Variants in CACNA1G observed in about 807,000 individuals in gnomAD.
The protein encoded by CACNA1G is calcium voltage-gated channel subunit alpha1 G.
In CACNA1G, 67 loss-of-function variants were observed where a neutral mutation model predicts 219.4. The ratio of observed to expected loss-of-function variants is 0.31; its 90% CI spans 0.25 to 0.37. CACNA1G has a LOEUF of 0.37. Ranked by LOEUF, CACNA1G falls within the 10% of genes least tolerant of loss-of-function variation. The pLI is 1.00. For synonymous variants in CACNA1G, 1,296 were observed against 1,345.3 expected (o/e 0.96, Z 0.80); for missense variants, 2,380 against 3,231.4 (o/e 0.74, Z 6.39).
rs116959326 is a variant in CACNA1G, at chr17:50,582,845, T to C, written c.2301+4281T>C. On this transcript the variant is annotated intron_variant, in intron 9 of 37. Coordinates refer to ENST00000359106, the MANE Select transcript of CACNA1G (RefSeq NM_018896.5). Reference sequence around the variant, plus strand: ...GAGGAAGGGGAGGGACCAGGGTAGATGGCCTTGCAGGCTGAGAGAGGACAG... The same window carrying C: ...GAGGAAGGGGAGGGACCAGGGTAGACGGCCTTGCAGGCTGAGAGAGGACAG... Among the ~76,000 whole-genome samples the C allele has an allele frequency of 2.1e-4, 32 of 152,136 alleles. No homozygotes were observed. The East Asian group carries it at 5.4e-3, about 26-fold the overall frequency.
intron 9 of CACNA1G, among the ~76,000 whole-genome samples, chr17:50,588,164 T>C (rs1053145586): frequency 6.6e-6 from 1 of 152,226 alleles, no homozygotes; most frequent in Non-Finnish European, 1.5e-5. Flanking sequence ...CGAGTTGGTC[T>C]TTATTCCTAG....
rs1026920858 is a variant in CACNA1G, at chr17:50,603,344, C to T, written c.4169+145C>T. 10 of 685,576 alleles carry T rather than the reference C, an allele frequency of 1.5e-5. No homozygotes were observed. Among genetic ancestry groups the T allele is most frequent in the Non-Finnish European group, 7.3e-6 (3 of 410,040 alleles). The allele number at this position is 685,576 out of a possible 1,614,324, so 42.5% of individuals were successfully genotyped here. ...TGACCCCCACAGGCGATCCTGTCCC[C>T]GCCCCAGACAACACTCAGATTACGG... On this transcript the variant is annotated intron_variant, in intron 21 of 37. Coordinates refer to ENST00000359106, the MANE Select transcript of CACNA1G (RefSeq NM_018896.5). This position sits in a 1 kb window ranked among gnomAD's most constrained non-coding sequence, Gnocchi z 6.4.
intron 33 of CACNA1G, 56 bp downstream of exon 33, chr17:50,619,064 A>T: frequency 7.3e-7 from 1 of 1,378,536 alleles, no homozygotes; most frequent in Non-Finnish European, 9.6e-7. Context: ...AAGGGTGTGG[A>T]GGGTGGTGGG....
At chr17:50,592,185 T>A in intron 13 of CACNA1G, 93 bp downstream of exon 13, 1 of 1,381,094 alleles carries the variant, frequency 7.2e-7, no homozygotes, top group Non-Finnish European at 9.8e-7. Flanking sequence ...GTTGCCAACT[T>A]TGGGGGCCTG....
chr17:50,615,649 C>T (rs907309552), intron 27 of CACNA1G, 137 bp downstream of exon 27: 1 of 865,740 alleles, frequency 1.2e-6, no homozygotes, highest in Admixed American at 2.9e-5. Flanking sequence ...CTCTTGTGCC[C>T]CTTGGAGGTG....
At chr17:50,622,474 A>C (rs1285802767) in intron 35 of CACNA1G, among the ~76,000 whole-genome samples, 1 of 151,920 alleles carries the variant, frequency 6.6e-6, no homozygotes, top group Non-Finnish European at 1.5e-5. Flanking sequence ...CAGCTGAGGC[A>C]GGGACTGGAC....
chr17:50,616,248 C>A (rs746067230), intron 27 of CACNA1G, 27 bp from the exon 28 acceptor site: 1 of 1,439,478 alleles, frequency 6.9e-7, no homozygotes, highest in Non-Finnish European at 9.8e-7. Context: ...CTTAAGGGAC[C>A]CTGCATCTTG....
At position 50,626,211 on chromosome 17, in the gene CACNA1G, A is replaced by C; in HGVS notation, c.6594A>C (p.Pro2198=). 1 of 1,613,664 alleles carries C rather than the reference A, an allele frequency of 6.2e-7. No individual in the cohort carries two copies. The highest frequency in any genetic ancestry group is 8.5e-7 in the Non-Finnish European group (1 of 1,179,812). Residue 2198 remains proline, a synonymous_variant, in exon 38 of 38, where the codon CCA becomes CCC. Coordinates refer to ENST00000359106, the MANE Select transcript of CACNA1G (RefSeq NM_018896.5). This position sits in a 1 kb window ranked among gnomAD's most constrained non-coding sequence, Gnocchi z 4.3. ...SKHMTPPAPC[P]GPEPNWGKGP... ...ACATGACCCCGCCAGCCCCTTGCCC[A>C]GGCCCAGAACCCAACTGGGGCAAGG...
chr17:50,564,125 A>AGTGTGTGTGTGTGTGT (rs67152102), intron 1 of CACNA1G, among the ~76,000 whole-genome samples: 9,098 of 138,504 alleles, frequency 0.066, 466 homozygotes, highest in African/African-American at 0.12. Flanking sequence ...CCAGGTAGGA[A>AGTGTGTGTGTGTGTGT]GTGTGTGTGT....
rs538670427 is a variant in CACNA1G at position 50,600,433 on chromosome 17, G to C, written c.3691-293G>C. 1.5e-3 allele frequency among the ~76,000 whole-genome samples: 233 copies of C among 152,206 alleles called. No individual in the cohort carries two copies. Among genetic ancestry groups the C allele is most frequent in the Non-Finnish European group, 2.8e-3 (189 of 68,004 alleles). Reference sequence around the variant, plus strand: ...CCAGCTCAGCAGGGAGGACAGGCAGGGGGCTGGGCTGGAGGCAGGGGTGGG... The same window carrying C: ...CCAGCTCAGCAGGGAGGACAGGCAGCGGGCTGGGCTGGAGGCAGGGGTGGG... On this transcript the variant is annotated intron_variant, in intron 17 of 37. Coordinates refer to ENST00000359106, the MANE Select transcript of CACNA1G (RefSeq NM_018896.5). The surrounding 1 kb of genome is among the most constrained non-coding windows in gnomAD (Gnocchi z 4.1).
At chr17:50,624,106 C>T (rs373504491) in intron 36 of CACNA1G, 31 bp downstream of exon 36, 8 of 1,599,660 alleles carry the variant, frequency 5.0e-6, no homozygotes, top group Non-Finnish European at 6.0e-6. Context: ...CAATTTGGCT[C>T]ACACAGGGAG....
chr17:50,618,903 G>T lies in CACNA1G; in HGVS notation c.5676G>T (p.Trp1892Cys). ...CGCCACTGGGCAGCCCCTTCCTCTG[G>T]CCTGGGGTCGAGGGCCCCGACAGCC... is the stretch of plus-strand genomic sequence containing the variant. Reference protein sequence around the residue: ...PHSPLGSPFLWPGVEGPDSPD... With the variant: ...PHSPLGSPFLCPGVEGPDSPD... The change falls in exon 33 of 38, where the codon TGG becomes TGT. Residue 1892 changes from tryptophan to cysteine, a missense_variant. Physicochemically the swap from Trp to Cys is radical, Grantham distance 215. This residue lies in a region of CACNA1G where 672 missense variants were observed against 670.5 expected (regional missense o/e 1.00). Transcript: ENST00000359106. The surrounding 1 kb of genome is among the most constrained non-coding windows in gnomAD (Gnocchi z 5.3). 1 of 1,609,290 alleles carries T rather than the reference G, an allele frequency of 6.2e-7. No individual in the cohort carries two copies.
intron 9 of CACNA1G, among the ~76,000 whole-genome samples, chr17:50,586,228 C>T (rs11079917): frequency 0.45 from 68,783 of 152,110 alleles, 16,575 homozygotes; most frequent in East Asian, 0.89. Context: ...TCCTTCCTCC[C>T]TTCCCACCCG....
At chr17:50,583,440 C>T (rs1050605938) in intron 9 of CACNA1G, among the ~76,000 whole-genome samples, 6 of 152,154 alleles carry the variant, frequency 3.9e-5, no homozygotes, top group Non-Finnish European at 7.3e-5. Flanking sequence ...ATTAGAATAT[C>T]AGGGGGTTGG....
chr17:50,576,146 A>G lies in CACNA1G; in HGVS notation c.1744A>G (p.Arg582Gly). Reference protein sequence around the residue: ...PPRSPSEASGRTVGSGKVYPT... With the variant: ...PPRSPSEASGGTVGSGKVYPT... ...CAGGTCCCCATCTGAGGCATCCGGC[A>G]GGACTGTGGGCAGCGGGAAGGTGTA... Residue 582 changes from arginine (R) to glycine (G), a missense_variant, in exon 8 of 38, where the codon AGG (arginine) becomes GGG (glycine). Coordinates refer to ENST00000359106, the MANE Select transcript of CACNA1G (RefSeq NM_018896.5). 6.2e-7 allele frequency: 1 copy of G among 1,608,262 alleles called. No individual in the cohort carries two copies. The highest frequency in any genetic ancestry group is 8.5e-7 in the Non-Finnish European group (1 of 1,177,996).
Position 50,600,976 on chromosome 17 carries a change from G to A in CACNA1G, c.3792-75G>A, listed in dbSNP as rs886531066. ...CAGCTGGGAGGGCACTGGAGGGGCA[G>A]GGGCTGCGGGCGGTGCCTCTCGTTG... On this transcript the variant is annotated intron_variant, in intron 18 of 37. Transcript: ENST00000359106. This position sits in a 1 kb window ranked among gnomAD's most constrained non-coding sequence, Gnocchi z 4.1. 6 of 1,593,994 alleles carry A rather than the reference G, an allele frequency of 3.8e-6. No homozygotes were observed. The African/African-American group carries it at 8.0e-5, about 21-fold the overall frequency.
intron 9 of CACNA1G, among the ~76,000 whole-genome samples, chr17:50,584,083 C>T (rs1007656981): frequency 2.6e-5 from 4 of 152,156 alleles, no homozygotes; most frequent in South Asian, 2.1e-4. Flanking sequence ...TGGCGCCACC[C>T]GGGAAGGAGC....
chr17:50,599,651 G>A lies in CACNA1G; in HGVS notation c.3482G>A (p.Arg1161Lys), dbSNP rs755002572. ...CCTGCGGGCAGTGACCATCGCCACA[G>A]GGGGTCCCTGGAGCGGGAGGCCAAG... The part of the protein sequence containing the change: ...ASPAGSDHRH[R>K]GSLEREAKSS... The change falls in exon 17 of 38, where the codon AGG (arginine) becomes AAG (lysine). Residue 1161 changes from arginine (R) to lysine (K), a missense_variant. Arg to Lys is a conservative substitution (Grantham distance 26). Transcript: ENST00000359106. 1.2e-6 allele frequency: 2 copies of A among 1,612,892 alleles called. No homozygotes were observed. The highest frequency in any genetic ancestry group is 1.7e-6 in the Non-Finnish European group (2 of 1,179,518).
Position 50,621,204 on chromosome 17 carries a change from G to A in CACNA1G, c.5926-456G>A, listed in dbSNP as rs1373101235. 3.9e-5 allele frequency among the ~76,000 whole-genome samples: 6 copies of A among 152,062 alleles called. No homozygotes were observed. The highest frequency in any genetic ancestry group is 2.6e-4 in the Admixed American group (4 of 15,272). ...TCAGATTGGTGGCATTGTCGCCGGCGCCCCCCGTGCCGCTCTGTCTGTGCC... is the reference window on the plus strand; with the variant it reads ...TCAGATTGGTGGCATTGTCGCCGGCACCCCCCGTGCCGCTCTGTCTGTGCC... On this transcript the variant is annotated intron_variant, in intron 34 of 37. Transcript: ENST00000359106. This position sits in a 1 kb window ranked among gnomAD's most constrained non-coding sequence, Gnocchi z 4.6.
Sources: gnomAD v4.1 joint callset for allele counts (sites outside exome capture counted in the v4.1 genomes callset) on GRCh38, gnomAD v4.1.1 for gene constraint, gnomAD v4.1.1 regional missense constraint, Gnocchi (gnomAD v3.1) non-coding constraint, MANE v1.5 for transcripts, NCBI Gene and HGNC (gene_info 2026-07-23, HGNC 2026-07-21) for gene names.